Variants in ERC2 observed in about 807,000 individuals in gnomAD.
ERC2 encodes ELKS/RAB6-interacting/CAST family member 2.
ERC2 carries 42 observed loss-of-function variants against 114.8 expected under a neutral mutation model. That is an observed-to-expected ratio of 0.37 (90% CI 0.29 to 0.47). The LOEUF (loss-of-function observed/expected upper bound fraction) is 0.47, where lower values mean the gene tolerates loss of function less well. Ranked by LOEUF, ERC2 falls within the 20% of genes least tolerant of loss-of-function variation. ERC2 has a pLI of 0.99. For missense variants in ERC2, 939 were observed against 1,150.7 expected (o/e 0.82, Z 2.66); for synonymous variants, 454 against 425.5 (o/e 1.07, Z -0.82).
At chr3:56,088,070 A>C (rs1458679176) in intron 6 of ERC2, among the ~76,000 whole-genome samples, 1 of 152,096 alleles carries the variant, frequency 6.6e-6, no homozygotes, top group African/African-American at 2.4e-5. Context: ...AGGAAATGTA[A>C]GCAGAAGTGA....
intron 1 of ERC2, among the ~76,000 whole-genome samples, chr3:56,460,134 T>A (rs1285097652): frequency 6.6e-6 from 1 of 152,196 alleles, no homozygotes; most frequent in Non-Finnish European, 1.5e-5. Flanking sequence ...GGCCTTGGAC[T>A]TCCCCAGCTG....
At chr3:56,306,482 G>A (rs2056232817) in intron 2 of ERC2, among the ~76,000 whole-genome samples, 1 of 152,156 alleles carries the variant, frequency 6.6e-6, no homozygotes, top group South Asian at 2.1e-4. Context: ...ATATTGAACG[G>A]AAGAAGTAAA....
intron 1 of ERC2, among the ~76,000 whole-genome samples, chr3:56,463,585 T>C (rs114320722): frequency 0.018 from 2,813 of 152,306 alleles, 39 homozygotes; most frequent in Middle Eastern, 0.041. Context: ...ATATTAAATA[T>C]CTTATGGAAA....
intron 2 of ERC2, among the ~76,000 whole-genome samples, chr3:56,344,434 C>T (rs2150504290): frequency 6.6e-6 from 1 of 152,256 alleles, no homozygotes; most frequent in Non-Finnish European, 1.5e-5. Context: ...TAACGAAGTG[C>T]CCTCAGGTCT....
At chr3:56,006,782 A>G (rs1352521299) in intron 10 of ERC2, among the ~76,000 whole-genome samples, 1 of 152,094 alleles carries the variant, frequency 6.6e-6, no homozygotes, top group East Asian at 1.9e-4. Flanking sequence ...AAGTTCTGGT[A>G]CAAAAAAATG....
intron 13 of ERC2, among the ~76,000 whole-genome samples, chr3:55,934,055 C>G (rs536175990): frequency 6.6e-6 from 1 of 152,092 alleles, no homozygotes; most frequent in South Asian, 2.1e-4. Flanking sequence ...AAAATAAAAC[C>G]ATTTGAAAAT....
intron 14 of ERC2, among the ~76,000 whole-genome samples, chr3:55,755,298 C>T (rs62249340): frequency 0.017 from 2,579 of 152,046 alleles, 35 homozygotes; most frequent in Middle Eastern, 0.031. Context: ...GAGGAATGAC[C>T]GAGAGGCACA....
At chr3:55,717,995 G>A (rs535394400) in intron 15 of ERC2, among the ~76,000 whole-genome samples, 7 of 152,146 alleles carry the variant, frequency 4.6e-5, no homozygotes, top group Non-Finnish European at 8.8e-5. Context: ...ATTTCATAAG[G>A]AGATGTCGGG....
At chr3:55,642,069 C>T (rs1243107895) in intron 17 of ERC2, among the ~76,000 whole-genome samples, 1 of 152,194 alleles carries the variant, frequency 6.6e-6, no homozygotes, top group East Asian at 1.9e-4. Flanking sequence ...GCTGCACTAA[C>T]ATAGTACTGG....
intron 14 of ERC2, among the ~76,000 whole-genome samples, chr3:55,836,431 A>C (rs1011270621): frequency 2.1e-4 from 32 of 152,198 alleles, no homozygotes; most frequent in African/African-American, 7.7e-4. Flanking sequence ...ACAGAACAGA[A>C]CCCTCAGAAA....
chr3:56,409,351 C>T (rs1020215522), intron 2 of ERC2, among the ~76,000 whole-genome samples: 2 of 151,752 alleles, frequency 1.3e-5, no homozygotes. Flanking sequence ...ATATAGAGTC[C>T]CAAGGTTAGC....
chr3:55,792,109 AAACAGACTAT>A (rs1208881445), intron 14 of ERC2, among the ~76,000 whole-genome samples: 1 of 152,240 alleles, frequency 6.6e-6, no homozygotes, highest in African/African-American at 2.4e-5. Flanking sequence ...GTCAACAGAT[AAACAGACTAT>A]AACAGACTAT....
intron 14 of ERC2, among the ~76,000 whole-genome samples, chr3:55,831,787 C>A: frequency 6.6e-6 from 1 of 152,086 alleles, no homozygotes; most frequent in Non-Finnish European, 1.5e-5. Flanking sequence ...GTGTGTGAGT[C>A]GAAGCAGGGC....
At chr3:55,801,154 T>C (rs1040952036) in intron 14 of ERC2, among the ~76,000 whole-genome samples, 4 of 152,254 alleles carry the variant, frequency 2.6e-5, no homozygotes, top group Admixed American at 6.5e-5. Flanking sequence ...TATTGGGACC[T>C]GACTGACCCA....
At chr3:56,271,911 C>T (rs909682724) in intron 3 of ERC2, among the ~76,000 whole-genome samples, 6 of 152,140 alleles carry the variant, frequency 3.9e-5, no homozygotes, top group Non-Finnish European at 7.3e-5. Context: ...ATCCATGTTG[C>T]TGCAAAGAAC....
chr3:56,145,384 C>G (rs2081083126), intron 5 of ERC2, among the ~76,000 whole-genome samples: 1 of 152,038 alleles, frequency 6.6e-6, no homozygotes, highest in African/African-American at 2.4e-5. Context: ...AAGCCTTATA[C>G]AGAAAGGAAA....
intron 2 of ERC2, among the ~76,000 whole-genome samples, chr3:56,332,220 G>T (rs2057657607): frequency 6.6e-6 from 1 of 152,018 alleles, no homozygotes; most frequent in South Asian, 2.1e-4. Flanking sequence ...GCACATAAAT[G>T]CACAGAATTG....
chr3:55,834,270 T>C (rs2060767480), intron 14 of ERC2, among the ~76,000 whole-genome samples: 1 of 152,104 alleles, frequency 6.6e-6, no homozygotes, highest in Non-Finnish European at 1.5e-5. Context: ...CTAATAGACA[T>C]CTACAGAACT....
intron 6 of ERC2, among the ~76,000 whole-genome samples, chr3:56,103,260 T>C (rs188343788): frequency 3.3e-5 from 5 of 152,218 alleles, no homozygotes; most frequent in Admixed American, 2.6e-4. Flanking sequence ...CAGAATTCAA[T>C]TGGCAGGGTG....
Sources: allele counts gnomAD v4.1 joint callset (sites outside exome capture counted in the v4.1 genomes callset), GRCh38; gene constraint gnomAD v4.1.1; transcripts MANE v1.5; gene names NCBI Gene and HGNC (gene_info 2026-07-23, HGNC 2026-07-21).